CLSTN2: variants seen among roughly 807,000 people sequenced by gnomAD.
The protein encoded by CLSTN2 is calsyntenin-2.
Under a neutral mutation model 101.2 loss-of-function variants are expected in CLSTN2, and 48 were observed. The ratio of observed to expected loss-of-function variants is 0.47; its 90% CI spans 0.38 to 0.60. CLSTN2 has a LOEUF of 0.60. Ranked by LOEUF, CLSTN2 falls within the 20% of genes least tolerant of loss-of-function variation. The pLI is 0.00. For missense variants in CLSTN2, 1,160 were observed against 1,238.2 expected, an observed-to-expected ratio of 0.94 and a Z score of 0.95; for synonymous variants, 481 against 463.6, an observed-to-expected ratio of 1.04 and a Z score of -0.48.
At chr3:140,214,194 C>G (rs11707185) in intron 2 of CLSTN2, among the ~76,000 whole-genome samples, 99,819 of 151,796 alleles carry the variant, frequency 0.66, 33,367 homozygotes, top group East Asian at 0.92. Flanking sequence ...AATCCCAGCA[C>G]TTTGGGTGGC....
At chr3:140,007,752 T>C (rs2107750036) in intron 1 of CLSTN2, among the ~76,000 whole-genome samples, 1 of 152,302 alleles carries the variant, frequency 6.6e-6, no homozygotes, top group East Asian at 1.9e-4. Context: ...TTGTGTTTGT[T>C]ACTTGTGTGT....
intron 5 of CLSTN2, among the ~76,000 whole-genome samples, chr3:140,441,574 A>G (rs1360231775): frequency 6.6e-6 from 1 of 152,236 alleles, no homozygotes; most frequent in African/African-American, 2.4e-5. Context: ...AGCAGCTGGT[A>G]AGCAGAGAAG....
chr3:140,131,296 T>C (rs546414955), intron 1 of CLSTN2, among the ~76,000 whole-genome samples: 1 of 82,950 alleles, frequency 1.2e-5, no homozygotes, highest in South Asian at 7.2e-4. Context: ...AAGAATGAGT[T>C]TCTTTATGAT....
intron 2 of CLSTN2, among the ~76,000 whole-genome samples, chr3:140,197,289 A>C (rs972007916): frequency 1.3e-5 from 2 of 152,192 alleles, no homozygotes; most frequent in African/African-American, 4.8e-5. Context: ...TCAGGCCATC[A>C]CATCTTCTAA....
chr3:140,196,637 A>G (rs1400218737), intron 2 of CLSTN2, among the ~76,000 whole-genome samples: 2 of 152,184 alleles, frequency 1.3e-5, no homozygotes, highest in Non-Finnish European at 2.9e-5. Flanking sequence ...TGTAATTACA[A>G]CCAGCATAAA....
At chr3:140,205,620 C>CCCG (rs1263520381) in intron 2 of CLSTN2, among the ~76,000 whole-genome samples, 1 of 94,440 alleles carries the variant, frequency 1.1e-5, no homozygotes, top group Non-Finnish European at 2.2e-5. Flanking sequence ...CCTGACCCGC[C>CCCG]CCCCACCCAC....
intron 8 of CLSTN2, among the ~76,000 whole-genome samples, chr3:140,512,200 T>C (rs1331560739): frequency 1.3e-5 from 2 of 152,212 alleles, no homozygotes; most frequent in Non-Finnish European, 2.9e-5. Context: ...GTTTTCGTCA[T>C]GAAGTCTTTG....
At chr3:140,129,117 G>C (rs1327184115) in intron 1 of CLSTN2, among the ~76,000 whole-genome samples, 4 of 152,054 alleles carry the variant, frequency 2.6e-5, no homozygotes, top group Non-Finnish European at 5.9e-5. Context: ...TGTCAGCATA[G>C]AGCTGAGCCC....
chr3:140,550,370 C>T (rs1428688655), intron 10 of CLSTN2, among the ~76,000 whole-genome samples: 4 of 151,094 alleles, frequency 2.6e-5, no homozygotes, highest in Non-Finnish European at 5.9e-5. Flanking sequence ...AACAATGTTT[C>T]ATGGATTAGA....
intron 1 of CLSTN2, among the ~76,000 whole-genome samples, chr3:140,015,780 A>G (rs1368555936): frequency 2.0e-5 from 3 of 152,236 alleles, no homozygotes; most frequent in Admixed American, 6.5e-5. Context: ...TGCTCTTGTG[A>G]TTATGGCAGA....
At chr3:139,954,842 A>G (rs970661676) in intron 1 of CLSTN2, among the ~76,000 whole-genome samples, 7 of 152,112 alleles carry the variant, frequency 4.6e-5, no homozygotes, top group South Asian at 2.1e-4. Flanking sequence ...ACAATGAAAA[A>G]TCTGATTGAT....
At chr3:140,466,026 G>C (rs1933690962) in intron 7 of CLSTN2, among the ~76,000 whole-genome samples, 1 of 152,114 alleles carries the variant, frequency 6.6e-6, no homozygotes, top group African/African-American at 2.4e-5. Flanking sequence ...CTGTGTATGG[G>C]GAGGGGATGT....
chr3:140,189,206 C>T (rs1335973435), intron 2 of CLSTN2, among the ~76,000 whole-genome samples: 5 of 152,156 alleles, frequency 3.3e-5, no homozygotes, highest in Admixed American at 6.6e-5. Context: ...AATAAAGCTG[C>T]TGTAAACATT....
At chr3:140,026,418 G>A (rs936438790) in intron 1 of CLSTN2, among the ~76,000 whole-genome samples, 8 of 152,184 alleles carry the variant, frequency 5.3e-5, no homozygotes, top group African/African-American at 1.9e-4. Flanking sequence ...TGTGCTAAAT[G>A]TGTCCCAAGG....
At chr3:140,309,433 G>A (rs1440747612) in intron 2 of CLSTN2, among the ~76,000 whole-genome samples, 1 of 152,136 alleles carries the variant, frequency 6.6e-6, no homozygotes, top group Non-Finnish European at 1.5e-5. Context: ...CTGGACACTG[G>A]GTGTCTGTAG....
chr3:140,247,371 C>T (rs2086526774), intron 2 of CLSTN2, among the ~76,000 whole-genome samples: 1 of 152,180 alleles, frequency 6.6e-6, no homozygotes, highest in African/African-American at 2.4e-5. Flanking sequence ...TCCAGGAAAA[C>T]AGGAGAGTTG....
At chr3:140,191,631 T>C (rs2010567330) in intron 2 of CLSTN2, among the ~76,000 whole-genome samples, 1 of 151,968 alleles carries the variant, frequency 6.6e-6, no homozygotes, top group East Asian at 1.9e-4. Flanking sequence ...AGTTTCTGTT[T>C]TTCAAAGAAT....
intron 2 of CLSTN2, among the ~76,000 whole-genome samples, chr3:140,275,556 G>A (rs1270333172): frequency 6.6e-6 from 1 of 152,166 alleles, no homozygotes; most frequent in African/African-American, 2.4e-5. Flanking sequence ...ACAGGCATGA[G>A]TCACCCACTC....
At chr3:140,423,180 C>CTTATTAATTGTACTTATT in intron 5 of CLSTN2, among the ~76,000 whole-genome samples, 1 of 152,300 alleles carries the variant, frequency 6.6e-6, no homozygotes, top group Admixed American at 6.5e-5. Context: ...AATTTCCTAA[C>CTTATTAATTGTACTTATT]AGAATTTGTA....
Sources: allele counts gnomAD v4.1 joint callset (sites outside exome capture counted in the v4.1 genomes callset), GRCh38; gene constraint gnomAD v4.1.1; transcripts MANE v1.5; gene names NCBI Gene and HGNC (gene_info 2026-07-23, HGNC 2026-07-21).